SDC3: variants seen among roughly 807,000 people sequenced by gnomAD.
SDC3 encodes the protein syndecan-3.
SDC3 carries 13 observed loss-of-function variants against 24.4 expected under a neutral mutation model. The observed-to-expected ratio is 0.53, with a 90% CI of 0.35 to 0.85. SDC3 has a LOEUF of 0.85. Among genes scored for constraint, SDC3 ranks in the 40% least tolerant of loss-of-function variants. SDC3 has a pLI of 0.01. For missense variants in SDC3, 571 were observed against 584.5 expected (o/e 0.98, Z 0.24); for synonymous variants, 295 against 260.9 (o/e 1.13, Z -1.26).
chr1:30,875,507 C>T lies in SDC3; in HGVS notation c.871-919G>A, dbSNP rs148401589. Reference sequence around the variant, plus strand: ...GGGACTGACACTGACCCCAAGGCAGCGCCACGGCCCAAGGGCCTTCCACAG... The same window carrying T: ...GGGACTGACACTGACCCCAAGGCAGTGCCACGGCCCAAGGGCCTTCCACAG... On this transcript the variant is annotated intron_variant, in intron 3 of 4. Transcript: ENST00000339394. 5.6e-3 allele frequency among the ~76,000 whole-genome samples: 860 copies of T among 152,248 alleles called. 8 individuals carry two copies. The highest frequency in any genetic ancestry group is 0.019 in the African/African-American group (800 of 41,534).
intron 1 of SDC3, among the ~76,000 whole-genome samples, chr1:30,898,919 T>C (rs1638344277): frequency 6.6e-6 from 1 of 152,148 alleles, no homozygotes; most frequent in Non-Finnish European, 1.5e-5. Context: ...CCTTGGGGAA[T>C]GTATAATAAT....
intron 1 of SDC3, among the ~76,000 whole-genome samples, chr1:30,884,282 C>G (rs558317174): frequency 3.3e-5 from 5 of 152,070 alleles, no homozygotes; most frequent in African/African-American, 9.6e-5. Context: ...CAGACCCCCC[C>G]CAAGAAAAAT....
At position 30,873,158 on chromosome 1, in the gene SDC3, G is replaced by A; in HGVS notation, c.*53C>T. 7.2e-7 allele frequency: 1 copy of A among 1,380,838 alleles called. No individual in the cohort carries two copies. The highest frequency in any genetic ancestry group is 1.0e-6 in the Non-Finnish European group (1 of 973,560). 85.5% of individuals were successfully genotyped at this position (1,380,838 alleles called of 1,614,324 possible). A position where few individuals can be genotyped will look rare whatever the true frequency, so the allele number is the denominator to read the frequency against. ...AGGCTTGGGCTGGTGGGGCCAGGCT[G>A]GGGACTGGACAGCAGGGTGGTGTTG... On this transcript the variant is annotated 3_prime_UTR_variant, in exon 5 of 5. Coordinates refer to ENST00000339394, the MANE Select transcript of SDC3 (RefSeq NM_014654.4).
chr1:30,905,871 A>C (rs200507183), intron 1 of SDC3, among the ~76,000 whole-genome samples: 7 of 148,352 alleles, frequency 4.7e-5, no homozygotes, highest in South Asian at 2.1e-4. Context: ...CAGACACACA[A>C]ACACACACAC....
chr1:30,889,204 T>A (rs1639872294), intron 1 of SDC3, among the ~76,000 whole-genome samples: 1 of 152,238 alleles, frequency 6.6e-6, no homozygotes. Context: ...GTAATAGGAC[T>A]GACCTCAGGG....
At chr1:30,886,835 T>C (rs953440506) in intron 1 of SDC3, among the ~76,000 whole-genome samples, 2 of 152,194 alleles carry the variant, frequency 1.3e-5, no homozygotes, top group Non-Finnish European at 2.9e-5. Flanking sequence ...CTCATTTCTC[T>C]TCTCACTTGA....
intron 1 of SDC3, among the ~76,000 whole-genome samples, chr1:30,893,806 A>T (rs1218025931): frequency 6.6e-6 from 1 of 152,136 alleles, no homozygotes; most frequent in Non-Finnish European, 1.5e-5. Flanking sequence ...TCAGGGGCAC[A>T]GCCACACTCC....
In SDC3 at chr1:30,873,034, C is replaced by CT; in HGVS notation, c.*176_*177insA. 1 of 625,572 alleles carries CT rather than the reference C, an allele frequency of 1.6e-6. No homozygotes were observed. The allele number at this position is 625,572 out of a possible 1,614,324, so 38.8% of individuals were successfully genotyped here. On this transcript the variant is annotated 3_prime_UTR_variant, in exon 5 of 5. Transcript: ENST00000339394. ...ACAGTCTGGGGCAGATGGCAGCAGC[C>CT]CCTCTTCCTCGGGGAAGATCTGTGT...
chr1:30,898,181 C>T (rs1377043121), intron 1 of SDC3, among the ~76,000 whole-genome samples: 1 of 152,158 alleles, frequency 6.6e-6, no homozygotes, highest in Admixed American at 6.5e-5. Context: ...ACAGCAGTGA[C>T]CCCTCGCCGC....
intron 1 of SDC3, among the ~76,000 whole-genome samples, chr1:30,889,849 G>A (rs1639880693): frequency 6.6e-6 from 1 of 151,928 alleles, no homozygotes; most frequent in Non-Finnish European, 1.5e-5. Flanking sequence ...TACTCCTAGG[G>A]TATATATTCA....
rs1482445969 is a variant in SDC3, at chr1:30,908,608, G to C, written c.-22C>G. 73 of 918,212 alleles carry C rather than the reference G, an allele frequency of 8.0e-5. No homozygotes were observed. The highest frequency in any genetic ancestry group is 9.4e-5 in the Non-Finnish European group (73 of 774,672). The allele number at this position is 918,212 out of a possible 1,614,324, so 56.9% of individuals were successfully genotyped here. On this transcript the variant is annotated 5_prime_UTR_variant, in exon 1 of 5. Transcript: ENST00000339394. Reference sequence around the variant, plus strand: ...TCATGGCGGCGGCGCGGGCGCGGGCGGCGGGCGGCGGGCGGGCGCCTTTGT... The same window carrying C: ...TCATGGCGGCGGCGCGGGCGCGGGCCGCGGGCGGCGGGCGGGCGCCTTTGT...
At chr1:30,877,202 TG>T (rs779218370) in intron 2 of SDC3, 37 bp from the exon 3 acceptor site, 1 of 1,612,686 alleles carries the variant, frequency 6.2e-7, no homozygotes, top group Non-Finnish European at 8.5e-7. Context: ...GCTAGGGAGC[TG>T]GGTGGTTGTG....
rs1250637813 is a variant in SDC3, at chr1:30,876,585, C to A, written c.837G>T (p.Gly279=). 1 of 1,530,424 alleles carries A rather than the reference C, an allele frequency of 6.5e-7. No homozygotes were observed. Among genetic ancestry groups the A allele is most frequent in the South Asian group, 1.3e-5 (1 of 78,816 alleles). The allele number at this position is 1,530,424 out of a possible 1,614,324, so 94.8% of individuals were successfully genotyped here. A position where few individuals can be genotyped will look rare whatever the true frequency, so the allele number is the denominator to read the frequency against. The change falls in exon 3 of 5, where the codon GGG becomes GGT. Residue 279 remains glycine, a synonymous_variant. Coordinates refer to ENST00000339394, the MANE Select transcript of SDC3 (RefSeq NM_014654.4). ...CCTCTGTGGGTCCAGGGGCAGTGGT[C>A]CCCAGGGGCAGGGTGCTCCTCTCAG... The part of the protein sequence containing the change: ...DIPERSTLPL[G]TTAPGPTEVA...
At chr1:30,875,985 G>T (rs962108255) in intron 3 of SDC3, among the ~76,000 whole-genome samples, 1 of 152,184 alleles carries the variant, frequency 6.6e-6, no homozygotes, top group Admixed American at 6.5e-5. Flanking sequence ...TCATACACCA[G>T]CTCTTAACCA....
chr1:30,872,951 C>T lies in SDC3; in HGVS notation c.*260G>A. 2.1e-6 allele frequency: 1 copy of T among 486,968 alleles called. No individual in the cohort carries two copies. The allele number at this position is 486,968 out of a possible 1,614,324, so 30.2% of individuals were successfully genotyped here. A position where few individuals can be genotyped will look rare whatever the true frequency, so the allele number is the denominator to read the frequency against. On this transcript the variant is annotated 3_prime_UTR_variant, in exon 5 of 5. Coordinates refer to ENST00000339394, the MANE Select transcript of SDC3 (RefSeq NM_014654.4). ...TCCTCCCATCCATCTGACATGAGGT[C>T]CTGAAGCCCCAGACTGGTGGCAGGG...
intron 1 of SDC3, among the ~76,000 whole-genome samples, chr1:30,901,562 C>T (rs901621412): frequency 6.6e-6 from 1 of 152,182 alleles, no homozygotes; most frequent in African/African-American, 2.4e-5. Context: ...AGAAACTCAG[C>T]ACCACGGACC....
chr1:30,908,482 C>T lies in SDC3; in HGVS notation c.105G>A (p.Leu35=). The change falls in exon 1 of 5, where the codon CTG becomes CTA. Residue 35 remains leucine (L), a synonymous_variant. Coordinates refer to ENST00000339394, the MANE Select transcript of SDC3 (RefSeq NM_014654.4). ...PGARGLLLPP[L]LLLLLAGRAA... ...CGCGCCCCGCCAGCAGCAGCAGCAG[C>T]AGCGGTGGCAGGAGCAGCCCGCGGG... 2.9e-6 allele frequency: 3 copies of T among 1,022,144 alleles called. No homozygotes were observed. Among genetic ancestry groups the T allele is most frequent in the Non-Finnish European group, 3.5e-6 (3 of 853,026 alleles). 63.3% of individuals were successfully genotyped at this position (1,022,144 alleles called of 1,614,324 possible).
chr1:30,888,945 G>A (rs1639869002), intron 1 of SDC3, among the ~76,000 whole-genome samples: 1 of 134,322 alleles, frequency 7.4e-6, no homozygotes, highest in Non-Finnish European at 1.5e-5. Flanking sequence ...GGCCACACTT[G>A]CCCCAGGACT....
At chr1:30,900,633 C>T (rs766499195) in intron 1 of SDC3, among the ~76,000 whole-genome samples, 13 of 152,202 alleles carry the variant, frequency 8.5e-5, no homozygotes, top group Non-Finnish European at 1.6e-4. Flanking sequence ...CCTGCATCCC[C>T]CACGGAGCAC....
Sources: allele counts gnomAD v4.1 joint callset (sites outside exome capture counted in the v4.1 genomes callset), GRCh38; gene constraint gnomAD v4.1.1; transcripts MANE v1.5; gene names NCBI Gene and HGNC (gene_info 2026-07-23, HGNC 2026-07-21).